PPP1R9A: variants seen among roughly 807,000 people sequenced by gnomAD.
PPP1R9A encodes the protein protein phosphatase 1 regulatory subunit 9A.
A neutral mutation model predicts 141.9 loss-of-function variants in PPP1R9A; 59 were observed. That is an observed-to-expected ratio of 0.42 (90% CI 0.34 to 0.52). The LOEUF (loss-of-function observed/expected upper bound fraction) is 0.52, where lower values mean the gene tolerates loss of function less well. PPP1R9A is among the 20% of genes least tolerant of loss of function. The probability of loss-of-function intolerance (pLI) is 0.10; values close to 1 mark genes in which losing one functional copy is unlikely to be tolerated. For missense variants in PPP1R9A, 1,444 were observed against 1,611.9 expected (o/e 0.90, Z 1.78); for synonymous variants, 500 against 569.7 (o/e 0.88, Z 1.74).
intron 5 of PPP1R9A, among the ~76,000 whole-genome samples, chr7:95,171,721 A>G (rs1028114217): frequency 2.6e-5 from 4 of 151,662 alleles, no homozygotes; most frequent in African/African-American, 9.7e-5. Context: ...TGTTTGTTTC[A>G]CTGGTGAATC....
intron 2 of PPP1R9A, among the ~76,000 whole-genome samples, chr7:95,046,829 C>A (rs1810090874): frequency 6.6e-6 from 1 of 152,218 alleles, no homozygotes; most frequent in African/African-American, 2.4e-5. Flanking sequence ...GAAAAGCACA[C>A]ATTCTGGTCT....
chr7:95,158,892 A>T (rs1563330913), intron 4 of PPP1R9A, among the ~76,000 whole-genome samples: 1 of 152,224 alleles, frequency 6.6e-6, no homozygotes, highest in Non-Finnish European at 1.5e-5. Flanking sequence ...ATCACATTGT[A>T]ATATCTTTTT....
chr7:95,064,068 T>C (rs961191417), intron 2 of PPP1R9A, among the ~76,000 whole-genome samples: 3 of 152,206 alleles, frequency 2.0e-5, no homozygotes, highest in Non-Finnish European at 2.9e-5. Context: ...ATTTCTTGTA[T>C]CATTTAAACT....
chr7:95,080,382 G>A (rs2152277015), intron 2 of PPP1R9A, among the ~76,000 whole-genome samples: 1 of 152,184 alleles, frequency 6.6e-6, no homozygotes, highest in Admixed American at 6.5e-5. Flanking sequence ...CAACTTACAA[G>A]GGACGTGAAG....
chr7:95,118,875 C>T (rs983649948), intron 3 of PPP1R9A, among the ~76,000 whole-genome samples: 2 of 149,928 alleles, frequency 1.3e-5, no homozygotes, highest in Non-Finnish European at 3.0e-5. Flanking sequence ...TCCAGCACCT[C>T]GGAGGCTGAG....
chr7:94,918,898 A>G (rs1394990428), intron 2 of PPP1R9A, among the ~76,000 whole-genome samples: 2 of 152,200 alleles, frequency 1.3e-5, no homozygotes, highest in African/African-American at 4.8e-5. Context: ...AAGTGGCATG[A>G]TGTGGGAGCA....
intron 2 of PPP1R9A, among the ~76,000 whole-genome samples, chr7:95,051,843 A>AT (rs11289749): frequency 1.4e-3 from 191 of 137,492 alleles, no homozygotes; most frequent in South Asian, 4.1e-3. Flanking sequence ...TTTTATTTTA[A>AT]TTTTTTTTTT....
At chr7:95,233,856 A>G (rs1362738733) in intron 8 of PPP1R9A, among the ~76,000 whole-genome samples, 1 of 152,216 alleles carries the variant, frequency 6.6e-6, no homozygotes, top group Non-Finnish European at 1.5e-5. Context: ...CATACCAGGG[A>G]TGCAGGAATG....
chr7:94,994,725 C>T (rs1471998127), intron 2 of PPP1R9A, among the ~76,000 whole-genome samples: 2 of 151,976 alleles, frequency 1.3e-5, no homozygotes, highest in Non-Finnish European at 2.9e-5. Context: ...GAAACCCCGT[C>T]TTTACTAAAA....
rs558313385 is a variant in PPP1R9A, at chr7:95,044,665, C to T, written c.1396-66594C>T. Among the ~76,000 whole-genome samples, 14 of 148,734 alleles carry T rather than the reference C, an allele frequency of 9.4e-5. No homozygotes were observed. In the East Asian group the frequency reaches 2.7e-3, roughly 29 times the overall value. ...GCTCAAGCAGTTCTTCCAACTCTGC[C>T]TCCCAAAGTGTTGAGATTACAGGTG... is the stretch of plus-strand genomic sequence containing the variant. On this transcript the variant is annotated intron_variant, in intron 2 of 19. Coordinates refer to ENST00000433360, the MANE Select transcript of PPP1R9A (RefSeq NM_001166160.2).
chr7:95,185,594 C>T (rs1041399737), intron 5 of PPP1R9A, among the ~76,000 whole-genome samples: 2 of 149,788 alleles, frequency 1.3e-5, no homozygotes, highest in African/African-American at 4.9e-5. Flanking sequence ...TGGTCATGAA[C>T]TCTTTGCCTA....
chr7:95,214,938 A>G (rs1792978150), intron 7 of PPP1R9A, among the ~76,000 whole-genome samples: 1 of 152,034 alleles, frequency 6.6e-6, no homozygotes, highest in Non-Finnish European at 1.5e-5. Flanking sequence ...TGACTAGACA[A>G]TGAGAATGGA....
chr7:95,151,867 G>T (rs542551695), intron 4 of PPP1R9A, among the ~76,000 whole-genome samples: 55 of 145,642 alleles, frequency 3.8e-4, no homozygotes, highest in African/African-American at 1.3e-3. Context: ...AGGAAGCTTT[G>T]CTTATTTATA....
chr7:95,256,655 G>A (rs777779216), intron 12 of PPP1R9A, among the ~76,000 whole-genome samples: 7 of 151,858 alleles, frequency 4.6e-5, no homozygotes, highest in Non-Finnish European at 1.0e-4. Context: ...ATAAGCAAAA[G>A]AAATCAAAAA....
At position 94,992,014 on chromosome 7, in the gene PPP1R9A, C is replaced by T. The variant is rs1008932179; in HGVS notation, c.1395+80506C>T. Among the ~76,000 whole-genome samples the T allele has an allele frequency of 2.0e-5, 3 of 152,226 alleles. No individual in the cohort carries two copies. The South Asian group carries it at 6.2e-4, about 32-fold the overall frequency. Reference sequence around the variant, plus strand: ...AATTGCTTTATTGAGGTATAGTTGACATCCAATGTACTGCACGTATTTAAA... The same window carrying T: ...AATTGCTTTATTGAGGTATAGTTGATATCCAATGTACTGCACGTATTTAAA... On this transcript the variant is annotated intron_variant, in intron 2 of 19. Transcript: ENST00000433360.
intron 2 of PPP1R9A, among the ~76,000 whole-genome samples, chr7:95,106,967 A>C (rs1819616941): frequency 6.6e-6 from 1 of 151,988 alleles, no homozygotes; most frequent in South Asian, 2.1e-4. Flanking sequence ...TTTTTAGTAG[A>C]GATGGGGTTT....
intron 2 of PPP1R9A, among the ~76,000 whole-genome samples, chr7:95,068,473 G>GAAA (rs36043693): frequency 0.027 from 2,545 of 94,210 alleles, 215 homozygotes; most frequent in African/African-American, 0.076. Flanking sequence ...CTTGTCTCAA[G>GAAA]AAAAAAAAAA....
At chr7:95,218,542 T>G (rs1174970504) in intron 7 of PPP1R9A, among the ~76,000 whole-genome samples, 1 of 152,192 alleles carries the variant, frequency 6.6e-6, no homozygotes, top group African/African-American at 2.4e-5. Flanking sequence ...TCTGTCTCGT[T>G]GATCTGTCTA....
chr7:95,160,460 T>C (rs1044573444), intron 4 of PPP1R9A, among the ~76,000 whole-genome samples: 2 of 152,226 alleles, frequency 1.3e-5, no homozygotes, highest in African/African-American at 4.8e-5. Context: ...TTTGGTAAAC[T>C]GAATGTCTCC....
Sources: gnomAD v4.1 joint callset for allele counts (sites outside exome capture counted in the v4.1 genomes callset) on GRCh38, gnomAD v4.1.1 for gene constraint, MANE v1.5 for transcripts, NCBI Gene and HGNC (gene_info 2026-07-23, HGNC 2026-07-21) for gene names.